Variants in LINGO2 observed in about 807,000 individuals in gnomAD.
LINGO2 encodes leucine rich repeat and Ig domain containing 2.
Under a neutral mutation model 30.6 loss-of-function variants are expected in LINGO2, and 14 were observed. The observed-to-expected ratio is 0.46, with a 90% CI of 0.30 to 0.72. The LOEUF (loss-of-function observed/expected upper bound fraction) is 0.72, where lower values mean the gene tolerates loss of function less well. Ranked by LOEUF, LINGO2 falls within the 30% of genes least tolerant of loss-of-function variation. The pLI, the probability that LINGO2 is intolerant of heterozygous loss-of-function variation, is 0.07. For missense variants in LINGO2, 729 were observed against 751.7 expected, an observed-to-expected ratio of 0.97 and a Z score of 0.35; for synonymous variants, 317 against 288.5, an observed-to-expected ratio of 1.10 and a Z score of -1.00.
chr9:28,986,828 T>C, the LINGO2 span, among the ~76,000 whole-genome samples: 2 of 152,006 alleles, frequency 1.3e-5, no homozygotes, highest in Non-Finnish European at 2.9e-5. Flanking sequence ...TAAAATAATA[T>C]ACTGAAAGTA....
chr9:28,073,622 T>A (rs1454319809), intron 4 of LINGO2, among the ~76,000 whole-genome samples: 7 of 152,226 alleles, frequency 4.6e-5, no homozygotes, highest in Non-Finnish European at 8.8e-5. Flanking sequence ...TGACTGAGGT[T>A]CTCCTAAAAT....
At chr9:28,877,308 A>G in the LINGO2 span, among the ~76,000 whole-genome samples, 1 of 152,004 alleles carries the variant, frequency 6.6e-6, no homozygotes, top group South Asian at 2.1e-4. Context: ...TTGGTGTTTT[A>G]GACATGAAGT....
intron 1 of LINGO2, among the ~76,000 whole-genome samples, chr9:28,538,495 A>G (rs1821530379): frequency 6.6e-6 from 1 of 152,160 alleles, no homozygotes. Context: ...ATAATTTTAA[A>G]TTAATAGAAT....
chr9:28,001,812 G>C (rs1170836600), intron 5 of LINGO2, among the ~76,000 whole-genome samples: 2 of 152,158 alleles, frequency 1.3e-5, no homozygotes, highest in Non-Finnish European at 2.9e-5. Flanking sequence ...AGGAAAAAAA[G>C]GATGATGCAC....
chr9:28,754,503 C>T, the LINGO2 span, among the ~76,000 whole-genome samples: 3 of 151,948 alleles, frequency 2.0e-5, no homozygotes, highest in African/African-American at 4.8e-5. Flanking sequence ...CAGGAAAGGG[C>T]CCTAGAGAAG....
At chr9:28,500,796 C>T (rs1432765086) in intron 1 of LINGO2, among the ~76,000 whole-genome samples, 2 of 151,978 alleles carry the variant, frequency 1.3e-5, no homozygotes, top group African/African-American at 4.8e-5. Context: ...TCTCTGAGTA[C>T]TGAGCAGAAA....
At chr9:28,363,531 A>T (rs934733733) in intron 3 of LINGO2, among the ~76,000 whole-genome samples, 1 of 152,210 alleles carries the variant, frequency 6.6e-6, no homozygotes, top group Non-Finnish European at 1.5e-5. Flanking sequence ...TTCTTTAGAC[A>T]TATAAAGACA....
chr9:28,538,873 T>C (rs1262491633), intron 1 of LINGO2, among the ~76,000 whole-genome samples: 1 of 151,886 alleles, frequency 6.6e-6, no homozygotes, highest in Non-Finnish European at 1.5e-5. Context: ...GTCATATTCA[T>C]ACCACAGCAG....
At chr9:28,194,373 T>C (rs1819933022) in intron 4 of LINGO2, among the ~76,000 whole-genome samples, 1 of 152,104 alleles carries the variant, frequency 6.6e-6, no homozygotes, top group Non-Finnish European at 1.5e-5. Flanking sequence ...CCTGTAATTC[T>C]GAGAAAGGTA....
At chr9:28,605,139 A>G (rs1825646743) in intron 1 of LINGO2, among the ~76,000 whole-genome samples, 1 of 152,112 alleles carries the variant, frequency 6.6e-6, no homozygotes, top group Non-Finnish European at 1.5e-5. Context: ...AAAACTATAA[A>G]TATAAAATGC....
At chr9:28,327,463 G>A (rs1475387265) in intron 3 of LINGO2, among the ~76,000 whole-genome samples, 8 of 152,182 alleles carry the variant, frequency 5.3e-5, no homozygotes, top group Non-Finnish European at 1.2e-4. Flanking sequence ...TGTGAGTTGA[G>A]GTGGAAAATC....
the LINGO2 span, among the ~76,000 whole-genome samples, chr9:28,993,442 G>A: frequency 6.6e-6 from 1 of 152,144 alleles, no homozygotes; most frequent in African/African-American, 2.4e-5. Flanking sequence ...GAGGTACAAG[G>A]AGGAACTGGT....
intron 4 of LINGO2, among the ~76,000 whole-genome samples, chr9:28,209,620 G>A (rs1171037907): frequency 1.3e-5 from 2 of 151,548 alleles, no homozygotes; most frequent in Non-Finnish European, 3.0e-5. Flanking sequence ...CTAAGTCAAT[G>A]TTAAGGTAAG....
At chr9:29,174,020 C>G in the LINGO2 span, among the ~76,000 whole-genome samples, 2 of 151,616 alleles carry the variant, frequency 1.3e-5, no homozygotes, top group Non-Finnish European at 2.9e-5. Context: ...AAAGGATTTA[C>G]CATGTTGTTT....
At chr9:28,641,656 T>C (rs1443186558) in intron 1 of LINGO2, among the ~76,000 whole-genome samples, 2 of 152,136 alleles carry the variant, frequency 1.3e-5, no homozygotes, top group Non-Finnish European at 2.9e-5. Flanking sequence ...ATCATGGAGA[T>C]TTTTCAGTTA....
In LINGO2 at chr9:28,010,427, A is replaced by G. The variant is rs143547095; in HGVS notation, c.-36+1928T>C. Reference sequence around the variant, plus strand: ...CCCCTTTCCTCACCCATATGATACCACTTGATTGTTTTTCAAGCATTATAA... The same window carrying G: ...CCCCTTTCCTCACCCATATGATACCGCTTGATTGTTTTTCAAGCATTATAA... On this transcript the variant is annotated intron_variant, in intron 5 of 5. Coordinates refer to ENST00000379992, the Ensembl canonical transcript of LINGO2. Among the ~76,000 whole-genome samples, 280 of 152,092 alleles carry G rather than the reference A, an allele frequency of 1.8e-3. 2 individuals carry two copies. Among genetic ancestry groups the G allele is most frequent in the Middle Eastern group, 0.014 (4 of 294 alleles).
intron 5 of LINGO2, among the ~76,000 whole-genome samples, chr9:27,992,713 A>T (rs1377278949): frequency 2.0e-5 from 3 of 152,102 alleles, no homozygotes; most frequent in African/African-American, 7.2e-5. Flanking sequence ...AGTTATGTTA[A>T]GGTGGTGGAT....
chr9:28,775,703 A>G, the LINGO2 span, among the ~76,000 whole-genome samples: 1 of 152,228 alleles, frequency 6.6e-6, no homozygotes, highest in African/African-American at 2.4e-5. Flanking sequence ...TTAAAGATGT[A>G]ATTTTAAGAA....
intron 4 of LINGO2, among the ~76,000 whole-genome samples, chr9:28,100,546 G>C (rs994733772): frequency 1.3e-5 from 2 of 152,136 alleles, no homozygotes; most frequent in Admixed American, 6.6e-5. Context: ...AGTCACATTT[G>C]AGTCCAAAAA....
Sources: allele counts gnomAD v4.1 joint callset (sites outside exome capture counted in the v4.1 genomes callset), GRCh38; gene constraint gnomAD v4.1.1; transcripts MANE v1.5; gene names NCBI Gene and HGNC (gene_info 2026-07-23, HGNC 2026-07-21).